The following RGPD2 variants were observed in gnomAD, a reference collection of about 807,000 sequenced individuals.
RGPD2 encodes RANBP2 like and GRIP domain containing 2, also known as RANBP2-like and GRIP domain-containing protein 2.
A neutral mutation model predicts 36.0 loss-of-function variants in RGPD2; 2 were observed. That is an observed-to-expected ratio of 0.06 (90% CI 0.02 to 0.17). The LOEUF is 0.17. RGPD2 is among the 10% of genes least tolerant of loss of function. The pLI, the probability that RGPD2 is intolerant of heterozygous loss-of-function variation, is 1.00. For missense variants in RGPD2, 40 were observed against 464.3 expected, an observed-to-expected ratio of 0.09 and a Z score of 8.40; for synonymous variants, 19 against 163.8, an observed-to-expected ratio of 0.12 and a Z score of 6.75.
At chr2:87,972,776 G>T in the RGPD2 span, 3 of 1,611,658 alleles carry the variant, frequency 1.9e-6, no homozygotes, top group Non-Finnish European at 2.5e-6. Context: ...CTGTGAGAGT[G>T]GTCACTGCTG....
the RGPD2 span, among the ~76,000 whole-genome samples, chr2:87,905,738 TTA>T: frequency 1.6e-5 from 2 of 127,906 alleles, no homozygotes; most frequent in African/African-American, 2.8e-5. Flanking sequence ...TTATGAACAT[TTA>T]TATATATATA....
chr2:87,772,777 G>A (rs1380298138), intron 21 of RGPD2, among the ~76,000 whole-genome samples: 2 of 148,316 alleles, frequency 1.3e-5, no homozygotes, highest in African/African-American at 4.9e-5. Context: ...ACATTCTCAC[G>A]AGAAACAGAT....
the RGPD2 span, among the ~76,000 whole-genome samples, chr2:87,886,442 C>A: frequency 6.6e-6 from 1 of 151,552 alleles, no homozygotes; most frequent in Admixed American, 6.6e-5. Flanking sequence ...ATGTAATCTG[C>A]ACGAGTATGT....
chr2:87,825,605 G>T, intron 1 of RGPD2, 53 bp downstream of exon 1: 1 of 1,400,574 alleles, frequency 7.1e-7, no homozygotes, highest in Admixed American at 2.3e-5. Context: ...CGGCCAGGTC[G>T]AGGCCGCCGC....
At chr2:87,760,965 AC>A (rs1233251494) in intron 22 of RGPD2, among the ~76,000 whole-genome samples, 1 of 144,520 alleles carries the variant, frequency 6.9e-6, no homozygotes, top group Non-Finnish European at 1.5e-5. Context: ...TCCATGTTCC[AC>A]CTTTTGTAAT....
At chr2:87,964,583 G>T in the RGPD2 span, among the ~76,000 whole-genome samples, 2 of 151,996 alleles carry the variant, frequency 1.3e-5, no homozygotes, top group East Asian at 3.9e-4. Flanking sequence ...GCCCAGGCTG[G>T]AGTACAGTGG....
the RGPD2 span, among the ~76,000 whole-genome samples, chr2:87,843,803 G>A: frequency 1.4e-4 from 21 of 151,850 alleles, no homozygotes; most frequent in Admixed American, 1.4e-3. Flanking sequence ...CAAAGACTTG[G>A]AACCAACCCA....
intron 22 of RGPD2, among the ~76,000 whole-genome samples, chr2:87,769,676 G>C (rs1461134756): frequency 3.9e-5 from 6 of 151,964 alleles, no homozygotes; most frequent in African/African-American, 1.4e-4. Context: ...TATCATTGTT[G>C]TATTGAAAAC....
chr2:87,825,521 CCGGCCGAGGCCGAGGCCGAG>C lies in RGPD2; in HGVS notation c.72+117_72+136del, dbSNP rs1558739879. On this transcript the variant is annotated intron_variant, in intron 1 of 22. Coordinates refer to ENST00000398146, the MANE Select transcript of RGPD2 (RefSeq NM_001078170.3). ...CCGAGGCCGAGGCCGAGGCCGCCGC[CCGGCCGAGGCCGAGGCCGAG>C]GCCGCCGCCCGGCCAGGTCGAGGCC... The C allele has an allele frequency of 2.4e-5, 11 of 465,292 alleles. 1 individual carries two copies. In the South Asian group the frequency reaches 2.9e-4, roughly 12 times the overall value. 28.8% of individuals were successfully genotyped at this position (465,292 alleles called of 1,614,324 possible).
At chr2:87,884,526 A>G in the RGPD2 span, among the ~76,000 whole-genome samples, 1 of 151,874 alleles carries the variant, frequency 6.6e-6, no homozygotes, top group East Asian at 1.9e-4. Flanking sequence ...GAAAAGGTGA[A>G]TAAAATTGAC....
chr2:87,905,525 C>A, the RGPD2 span, among the ~76,000 whole-genome samples: 7 of 151,116 alleles, frequency 4.6e-5, no homozygotes, highest in Admixed American at 1.3e-4. Flanking sequence ...AATTTACATA[C>A]CACCAAATGT....
chr2:87,790,841 T>C (rs1203383777), intron 17 of RGPD2, among the ~76,000 whole-genome samples: 1 of 144,026 alleles, frequency 6.9e-6, no homozygotes, highest in South Asian at 2.3e-4. Context: ...CTGATAAACA[T>C]GAAAGAACCT....
At chr2:87,916,846 T>A in the RGPD2 span, among the ~76,000 whole-genome samples, 1 of 151,432 alleles carries the variant, frequency 6.6e-6, no homozygotes, top group Non-Finnish European at 1.5e-5. Flanking sequence ...AGTGCAAGAA[T>A]GGACTAATAC....
At chr2:87,760,825 G>C (rs1257884082) in intron 22 of RGPD2, among the ~76,000 whole-genome samples, 1 of 133,778 alleles carries the variant, frequency 7.5e-6, no homozygotes, top group Admixed American at 7.6e-5. Context: ...CACCGTGTTA[G>C]CCAGGATGGT....
chr2:87,861,045 A>G, the RGPD2 span, among the ~76,000 whole-genome samples: 1 of 151,774 alleles, frequency 6.6e-6, no homozygotes, highest in African/African-American at 2.4e-5. Flanking sequence ...GGGTATTTGC[A>G]TGCATAATTT....
At chr2:87,875,314 C>T in the RGPD2 span, among the ~76,000 whole-genome samples, 15 of 152,178 alleles carry the variant, frequency 9.9e-5, no homozygotes, top group Non-Finnish European at 1.5e-5. Flanking sequence ...AGCTTTTGCT[C>T]ATTTAGTGTG....
chr2:87,894,666 G>T, the RGPD2 span, among the ~76,000 whole-genome samples: 1 of 151,508 alleles, frequency 6.6e-6, no homozygotes, highest in East Asian at 1.9e-4. Flanking sequence ...GCTTTGCTTT[G>T]ATGTTTTAAT....
chr2:87,957,015 G>A, the RGPD2 span, among the ~76,000 whole-genome samples: 2 of 149,118 alleles, frequency 1.3e-5, no homozygotes, highest in Non-Finnish European at 3.0e-5. Flanking sequence ...ATGGCTCAAG[G>A]ATTTTTCTTG....
chr2:87,857,774 T>TAAAAAAAAA, the RGPD2 span, among the ~76,000 whole-genome samples: 101 of 123,280 alleles, frequency 8.2e-4, no homozygotes, highest in African/African-American at 2.5e-3. Flanking sequence ...CCATCTCTAC[T>TAAAAAAAAA]AAAAAAAAAA....
Sources: allele counts gnomAD v4.1 joint callset (sites outside exome capture counted in the v4.1 genomes callset), GRCh38; gene constraint gnomAD v4.1.1; transcripts MANE v1.5; gene names NCBI Gene and HGNC (gene_info 2026-07-23, HGNC 2026-07-21).